PCBP3: variants seen among roughly 807,000 people sequenced by gnomAD.
PCBP3 encodes the protein poly(rC)-binding protein 3.
A neutral mutation model predicts 52.7 loss-of-function variants in PCBP3; 25 were observed. That is an observed-to-expected ratio of 0.47 (90% CI 0.35 to 0.66). The LOEUF (loss-of-function observed/expected upper bound fraction) is 0.66. PCBP3 is among the 30% of genes least tolerant of loss of function. PCBP3 has a pLI of 0.01. For synonymous variants in PCBP3, 162 were observed against 183.0 expected, an observed-to-expected ratio of 0.89 and a Z score of 0.93; for missense variants, 391 against 490.3, an observed-to-expected ratio of 0.80 and a Z score of 1.91.
At chr21:45,784,877 C>G (rs1020666286) in intron 4 of PCBP3, among the ~76,000 whole-genome samples, 16 of 152,060 alleles carry the variant, frequency 1.1e-4, no homozygotes, top group Non-Finnish European at 2.1e-4. Flanking sequence ...TCTGCCCGGC[C>G]GCCACCCCGT....
chr21:45,644,751 T>G (rs1197150185), intron 1 of PCBP3, among the ~76,000 whole-genome samples: 2 of 152,162 alleles, frequency 1.3e-5, no homozygotes, highest in African/African-American at 2.4e-5. Flanking sequence ...AGAAGGAATC[T>G]TGAGCAGCAG....
In PCBP3 at chr21:45,805,479, A is replaced by C. The variant is rs1284779975; in HGVS notation, c.-125-44482A>C. ...CCTGTCTTCCCTTATCCACTGCCTC[A>C]AGGTTCCCACCAGCAGAGTGGGGCC... On this transcript the variant is annotated intron_variant, in intron 4 of 17. Coordinates refer to ENST00000681687, the MANE Select transcript of PCBP3 (RefSeq NM_001384156.1). This position sits in a 1 kb window ranked among gnomAD's most constrained non-coding sequence, Gnocchi z 4.6. Among the ~76,000 whole-genome samples, 1 of 152,048 alleles carries C rather than the reference A, an allele frequency of 6.6e-6. No individual in the cohort carries two copies. The highest frequency in any genetic ancestry group is 1.5e-5 in the Non-Finnish European group (1 of 68,000).
At chr21:45,795,922 G>A (rs1250449770) in intron 4 of PCBP3, among the ~76,000 whole-genome samples, 1 of 152,210 alleles carries the variant, frequency 6.6e-6, no homozygotes, top group African/African-American at 2.4e-5. Flanking sequence ...CTAAGAGACT[G>A]CTGTTTACAG....
chr21:45,887,097 C>T (rs752987903), intron 5 of PCBP3, among the ~76,000 whole-genome samples: 15 of 152,210 alleles, frequency 9.9e-5, no homozygotes, highest in Admixed American at 5.2e-4. Flanking sequence ...TTGGCATTTC[C>T]GGCTTGCCAG....
chr21:45,789,719 C>T (rs1193401520), intron 4 of PCBP3, among the ~76,000 whole-genome samples: 1 of 152,184 alleles, frequency 6.6e-6, no homozygotes, highest in Non-Finnish European at 1.5e-5. Flanking sequence ...AGAGCTTTTG[C>T]TGTGAGTGGG....
intron 7 of PCBP3, 88 bp downstream of exon 7, chr21:45,899,710 C>T: frequency 4.2e-6 from 4 of 963,846 alleles, no homozygotes; most frequent in Non-Finnish European, 6.7e-6. Context: ...AGGTGGCACC[C>T]AGTAGGTGCG....
intron 5 of PCBP3, among the ~76,000 whole-genome samples, chr21:45,868,839 G>A (rs948948319): frequency 6.6e-6 from 1 of 152,242 alleles, no homozygotes; most frequent in African/African-American, 2.4e-5. Context: ...TCCTGCCCCT[G>A]TGGTACTGAC....
At chr21:45,907,684 T>A (rs932170695) in intron 9 of PCBP3, among the ~76,000 whole-genome samples, 1 of 151,730 alleles carries the variant, frequency 6.6e-6, no homozygotes, top group Non-Finnish European at 1.5e-5. Flanking sequence ...GTGTAGGGAA[T>A]CTGTAAGTGT....
chr21:45,940,495 A>G (rs1453516163), intron 17 of PCBP3, among the ~76,000 whole-genome samples: 2 of 152,234 alleles, frequency 1.3e-5, no homozygotes, highest in Non-Finnish European at 2.9e-5. Flanking sequence ...GGTGGCCAGA[A>G]CTATCCTGGA....
At chr21:45,847,905 T>C (rs1240274619) in intron 4 of PCBP3, among the ~76,000 whole-genome samples, 3 of 152,222 alleles carry the variant, frequency 2.0e-5, no homozygotes, top group Non-Finnish European at 4.4e-5. Context: ...TTTCGTAGTT[T>C]TGCTTTTCTG....
chr21:45,874,024 A>C (rs373303070), intron 5 of PCBP3, among the ~76,000 whole-genome samples: 46 of 151,990 alleles, frequency 3.0e-4, no homozygotes, highest in Non-Finnish European at 4.4e-5. Flanking sequence ...TGCTGGGATC[A>C]CAGGCGTGAG....
intron 4 of PCBP3, among the ~76,000 whole-genome samples, chr21:45,775,371 T>G (rs938361432): frequency 2.0e-5 from 3 of 151,870 alleles, no homozygotes; most frequent in African/African-American, 7.3e-5. Flanking sequence ...AAATGCCTCC[T>G]TATTCATTTC....
chr21:45,717,973 G>T (rs1219101521), intron 2 of PCBP3, among the ~76,000 whole-genome samples: 1 of 152,164 alleles, frequency 6.6e-6, no homozygotes, highest in Non-Finnish European at 1.5e-5. Context: ...ACTTTTCCTT[G>T]TGGAAAGTTT....
intron 2 of PCBP3, among the ~76,000 whole-genome samples, chr21:45,674,898 G>A (rs1569103809): frequency 6.6e-6 from 1 of 152,060 alleles, no homozygotes; most frequent in African/African-American, 2.4e-5. Flanking sequence ...CCCTTCCCTG[G>A]CTCAGTTGGA....
chr21:45,912,567 C>T (rs1434563465), intron 11 of PCBP3, among the ~76,000 whole-genome samples: 1 of 152,162 alleles, frequency 6.6e-6, no homozygotes, highest in Non-Finnish European at 1.5e-5. Context: ...GACATCGCCA[C>T]AGATGGTGCC....
chr21:45,919,455 C>T (rs1304762511), intron 13 of PCBP3: 1 of 152,122 alleles, frequency 6.6e-6, no homozygotes, highest in African/African-American at 2.4e-5. Flanking sequence ...AGTTAATGAA[C>T]ATTAAATAAA....
At position 45,898,596 on chromosome 21, in the gene PCBP3, C is replaced by T. The variant is rs185415278; in HGVS notation, c.166-1003C>T. Among the ~76,000 whole-genome samples the T allele has an allele frequency of 4.7e-4, 39 of 82,656 alleles. 1 individual carries two copies. In the South Asian group the frequency reaches 0.014, roughly 30 times the overall value. The allele number at this position is 82,656 out of a possible 152,430, so 54.2% of individuals were successfully genotyped here. A position where few individuals can be genotyped will look rare whatever the true frequency, so the allele number is the denominator to read the frequency against. ...TCCTCACAGCCTCCCTCTCCCTCCA[C>T]GGGCCCCTCTACACACCGTCCTCAC... On this transcript the variant is annotated intron_variant, in intron 6 of 17. Coordinates refer to ENST00000681687, the MANE Select transcript of PCBP3 (RefSeq NM_001384156.1).
intron 5 of PCBP3, among the ~76,000 whole-genome samples, chr21:45,881,388 G>C (rs1169256951): frequency 6.6e-6 from 1 of 152,128 alleles, no homozygotes. Context: ...TTTGTGGTGA[G>C]GTTCGAGTGA....
At chr21:45,778,684 A>G (rs1275940906) in intron 4 of PCBP3, among the ~76,000 whole-genome samples, 1 of 152,138 alleles carries the variant, frequency 6.6e-6, no homozygotes, top group Non-Finnish European at 1.5e-5. Flanking sequence ...GGCACCCACA[A>G]TGGTGGATTG....
Sources: allele counts gnomAD v4.1 joint callset (sites outside exome capture counted in the v4.1 genomes callset), GRCh38; gene constraint gnomAD v4.1.1; non-coding constraint Gnocchi (gnomAD v3.1); transcripts MANE v1.5; gene names NCBI Gene and HGNC (gene_info 2026-07-23, HGNC 2026-07-21).